MEGF9: variants seen among roughly 807,000 people sequenced by gnomAD.
MEGF9 encodes multiple EGF like domains 9, also known as multiple epidermal growth factor-like domains protein 9.
Under a neutral mutation model 46.8 loss-of-function variants are expected in MEGF9, and 6 were observed. The observed-to-expected ratio is 0.13, with a 90% confidence interval of 0.07 to 0.25. The LOEUF is 0.25. Among genes scored for constraint, MEGF9 ranks in the 10% least tolerant of loss-of-function variants. The pLI is 1.00. For synonymous variants in MEGF9, 302 were observed against 330.7 expected, an observed-to-expected ratio of 0.91 and a Z score of 0.94; for missense variants, 683 against 792.4, an observed-to-expected ratio of 0.86 and a Z score of 1.66.
chr9:120,698,493 C>T (rs923267660), intron 1 of MEGF9, among the ~76,000 whole-genome samples: 10 of 152,172 alleles, frequency 6.6e-5, no homozygotes, highest in African/African-American at 2.4e-4. Flanking sequence ...TGTTACTAAC[C>T]TGCACCTTAG....
chr9:120,620,027 C>T (rs1483864252), intron 3 of MEGF9, among the ~76,000 whole-genome samples: 1 of 152,168 alleles, frequency 6.6e-6, no homozygotes, highest in Non-Finnish European at 1.5e-5. Context: ...TATTTGCACT[C>T]CTTCACGTTG....
At chr9:120,636,840 G>A (rs2043578486) in intron 2 of MEGF9, among the ~76,000 whole-genome samples, 2 of 131,802 alleles carry the variant, frequency 1.5e-5, no homozygotes, top group East Asian at 2.5e-4. Context: ...CCCGGCAGCC[G>A]CCCCGTCTGG....
chr9:120,622,605 A>G lies in MEGF9; in HGVS notation c.943+11T>C, dbSNP rs2043505051. On this transcript the variant is annotated intron_variant, in intron 3 of 5. Transcript: ENST00000373930. ...GAATAATTACATGACAAAGTTAAGG[A>G]AAGTACGTACCTGTGAGGGCATCGC... is the stretch of plus-strand genomic sequence containing the variant. 1.2e-6 allele frequency: 2 copies of G among 1,612,656 alleles called. No individual in the cohort carries two copies. Among genetic ancestry groups the G allele is most frequent in the South Asian group, 2.2e-5 (2 of 90,820 alleles).
chr9:120,666,997 T>C (rs528609251), intron 1 of MEGF9, among the ~76,000 whole-genome samples: 2 of 152,300 alleles, frequency 1.3e-5, no homozygotes, highest in Admixed American at 1.3e-4. Context: ...CCATTTTACA[T>C]CTTGATTATA....
At chr9:120,712,683 T>C (rs1302193647) in intron 1 of MEGF9, among the ~76,000 whole-genome samples, 2 of 152,226 alleles carry the variant, frequency 1.3e-5, no homozygotes, top group East Asian at 3.8e-4. Flanking sequence ...CACTCAATTA[T>C]AGTCCAAAGT....
intron 1 of MEGF9, among the ~76,000 whole-genome samples, chr9:120,674,286 A>AC (rs1321653741): frequency 1.3e-5 from 2 of 152,186 alleles, no homozygotes; most frequent in Non-Finnish European, 2.9e-5. Flanking sequence ...AACCCTGAAA[A>AC]CCCAACAATA....
chr9:120,636,989 A>G (rs2043579998), intron 2 of MEGF9, among the ~76,000 whole-genome samples: 1 of 152,244 alleles, frequency 6.6e-6, no homozygotes, highest in Non-Finnish European at 1.5e-5. Flanking sequence ...TTTGTCCAAT[A>G]GAAAAGGGTG....
At chr9:120,634,441 AAT>A (rs2043564514) in intron 2 of MEGF9, among the ~76,000 whole-genome samples, 1 of 92,044 alleles carries the variant, frequency 1.1e-5, no homozygotes, top group South Asian at 4.2e-4. Context: ...ATATGTGTGG[AAT>A]ATCTTTTTTT....
intron 1 of MEGF9, among the ~76,000 whole-genome samples, chr9:120,665,796 T>C (rs2043722373): frequency 6.6e-6 from 1 of 152,226 alleles, no homozygotes; most frequent in Non-Finnish European, 1.5e-5. Context: ...GAAGTCTAGT[T>C]TTATTCTTCT....
chr9:120,668,681 CAAT>C (rs543042183), intron 1 of MEGF9, among the ~76,000 whole-genome samples: 6 of 152,178 alleles, frequency 3.9e-5, no homozygotes, highest in Non-Finnish European at 8.8e-5. Context: ...CTACTAATAA[CAAT>C]GATGATATTA....
At chr9:120,634,446 CTTTTTTTTTTTTTT>C (rs1158273579) in intron 2 of MEGF9, among the ~76,000 whole-genome samples, 9 of 46,930 alleles carry the variant, frequency 1.9e-4, no homozygotes, top group South Asian at 2.3e-3. Flanking sequence ...TGTGGAATAT[CTTTTTTTTTTTTTT>C]TTTTTTTTTT....
At chr9:120,635,377 T>G (rs904076508) in intron 2 of MEGF9, among the ~76,000 whole-genome samples, 1 of 152,194 alleles carries the variant, frequency 6.6e-6, no homozygotes, top group Non-Finnish European at 1.5e-5. Context: ...GCTTGGGAAT[T>G]TTTTAGCTAT....
chr9:120,634,961 C>A (rs2043567638), intron 2 of MEGF9, among the ~76,000 whole-genome samples: 1 of 152,126 alleles, frequency 6.6e-6, no homozygotes, highest in Non-Finnish European at 1.5e-5. Context: ...CTTTCACTTA[C>A]AGATGTAGGA....
chr9:120,656,794 A>C (rs1339544643), intron 2 of MEGF9, among the ~76,000 whole-genome samples: 1 of 152,140 alleles, frequency 6.6e-6, no homozygotes, highest in Non-Finnish European at 1.5e-5. Context: ...AACACTTAAA[A>C]GAATTCAGCC....
At chr9:120,636,943 A>G (rs2043579765) in intron 2 of MEGF9, among the ~76,000 whole-genome samples, 1 of 152,232 alleles carries the variant, frequency 6.6e-6, no homozygotes, top group Admixed American at 6.5e-5. Context: ...TGTACCCAAC[A>G]GCTCATTGAG....
At chr9:120,688,163 ACACACACGCACG>A (rs2043832215) in intron 1 of MEGF9, among the ~76,000 whole-genome samples, 1 of 145,748 alleles carries the variant, frequency 6.9e-6, no homozygotes, top group African/African-American at 2.8e-5. Context: ...ACACACACAC[ACACACACGCACG>A]CACACACAAC....
intron 1 of MEGF9, among the ~76,000 whole-genome samples, chr9:120,683,860 C>A (rs922140157): frequency 2.0e-5 from 3 of 151,820 alleles, no homozygotes; most frequent in African/African-American, 7.3e-5. Flanking sequence ...TATCACTGCA[C>A]TCCAACATGG....
At chr9:120,653,731 G>A (rs2043664114) in intron 2 of MEGF9, among the ~76,000 whole-genome samples, 1 of 152,126 alleles carries the variant, frequency 6.6e-6, no homozygotes, top group Admixed American at 6.6e-5. Context: ...ACCAATAGAA[G>A]TATAAATTTA....
At chr9:120,707,599 A>G (rs1281144840) in intron 1 of MEGF9, among the ~76,000 whole-genome samples, 5 of 152,258 alleles carry the variant, frequency 3.3e-5, no homozygotes. Flanking sequence ...AAGCCTAGAC[A>G]GTTTGTATTT....
Sources: gnomAD v4.1 joint callset for allele counts (sites outside exome capture counted in the v4.1 genomes callset) on GRCh38, gnomAD v4.1.1 for gene constraint, MANE v1.5 for transcripts, NCBI Gene and HGNC (gene_info 2026-07-23, HGNC 2026-07-21) for gene names.